DLG2: variants seen among roughly 807,000 people sequenced by gnomAD.
The protein encoded by DLG2 is disks large homolog 2.
Under a neutral mutation model 132.5 loss-of-function variants are expected in DLG2, and 45 were observed. The observed-to-expected ratio is 0.34, with a 90% CI of 0.27 to 0.44. The LOEUF is 0.44. Among genes scored for constraint, DLG2 ranks in the 20% least tolerant of loss-of-function variants. DLG2 has a pLI of 1.00. For synonymous variants in DLG2, 424 were observed against 419.6 expected (o/e 1.01, Z -0.13); for missense variants, 1,045 against 1,196.9 (o/e 0.87, Z 1.87).
intron 18 of DLG2, among the ~76,000 whole-genome samples, chr11:83,663,938 G>A (rs537840845): frequency 6.6e-6 from 1 of 152,302 alleles, no homozygotes; most frequent in South Asian, 2.1e-4. Context: ...TAAAAAGAGT[G>A]TCACATTTGG....
chr11:84,629,551 G>A (rs1018503797), intron 6 of DLG2, among the ~76,000 whole-genome samples: 7 of 152,186 alleles, frequency 4.6e-5, no homozygotes, highest in African/African-American at 1.7e-4. Context: ...TGCTCTTCAT[G>A]TGAAAACTTT....
chr11:85,609,956 C>T (rs1165671298), intron 2 of DLG2, among the ~76,000 whole-genome samples: 8 of 152,206 alleles, frequency 5.3e-5, no homozygotes, highest in Non-Finnish European at 1.0e-4. Flanking sequence ...GAAAGTCCCA[C>T]ACCCTTATTA....
At chr11:84,623,964 G>T (rs1341745397) in intron 6 of DLG2, among the ~76,000 whole-genome samples, 2 of 152,114 alleles carry the variant, frequency 1.3e-5, no homozygotes, top group Admixed American at 1.3e-4. Context: ...ATTTATTTTT[G>T]TATCTTCAAT....
intron 4 of DLG2, among the ~76,000 whole-genome samples, chr11:85,277,651 T>C (rs1242739728): frequency 6.6e-6 from 1 of 152,182 alleles, no homozygotes; most frequent in Non-Finnish European, 1.5e-5. Context: ...TCCTAGGTGA[T>C]TAATTTTGCA....
chr11:84,316,776 T>C, intron 7 of DLG2: 1 of 1,526,808 alleles, frequency 6.5e-7, no homozygotes, highest in Non-Finnish European at 8.8e-7. Context: ...AACAACTTGC[T>C]CTCACTTTCT....
intron 3 of DLG2, among the ~76,000 whole-genome samples, chr11:85,500,527 A>T (rs192593719): frequency 0.017 from 1,950 of 114,192 alleles, no homozygotes; most frequent in East Asian, 0.029. Context: ...TGTACCCTAA[A>T]ACTTAGAGTA....
intron 16 of DLG2, among the ~76,000 whole-genome samples, chr11:83,850,108 G>A (rs1055690816): frequency 7.4e-5 from 11 of 147,848 alleles, no homozygotes; most frequent in Admixed American, 4.7e-4. Flanking sequence ...TCATTCATCC[G>A]TAACATTTGG....
chr11:83,723,945 A>G lies in DLG2; in HGVS notation c.1825+62745T>C, dbSNP rs75214773. ...ACTACCATTATCATTTTACAGGTTT[A>G]TGTTATTCAGCTAACCATGAGAGAG... On this transcript the variant is annotated intron_variant, in intron 18 of 27. Transcript: ENST00000376104. 8.8e-3 allele frequency among the ~76,000 whole-genome samples: 1,339 copies of G among 152,358 alleles called. 21 individuals carry two copies. The highest frequency in any genetic ancestry group is 0.031 in the African/African-American group (1,291 of 41,582).
chr11:83,860,620 A>T (rs542898570), intron 16 of DLG2, among the ~76,000 whole-genome samples: 7 of 152,258 alleles, frequency 4.6e-5, no homozygotes, highest in Admixed American at 2.6e-4. Context: ...ATCTCAGATG[A>T]GACTTGGGAC....
At chr11:84,726,501 T>C (rs181024515) in intron 6 of DLG2, among the ~76,000 whole-genome samples, 11 of 152,340 alleles carry the variant, frequency 7.2e-5, no homozygotes, top group African/African-American at 2.2e-4. Context: ...ACTTTCTTTA[T>C]CTGGTCTATT....
At chr11:83,597,104 G>T (rs995126740) in intron 19 of DLG2, among the ~76,000 whole-genome samples, 7 of 152,040 alleles carry the variant, frequency 4.6e-5, no homozygotes, top group African/African-American at 1.4e-4. Flanking sequence ...CATTGCCAAG[G>T]CTCAACAGTT....
In DLG2 at chr11:84,919,126, T is replaced by A. The variant is rs553728078; in HGVS notation, c.357+192535A>T. Among the ~76,000 whole-genome samples, 21 of 152,264 alleles carry A rather than the reference T, an allele frequency of 1.4e-4. No individual in the cohort carries two copies. The South Asian group carries it at 4.1e-3, about 30-fold the overall frequency. On this transcript the variant is annotated intron_variant, in intron 6 of 27. Transcript: ENST00000376104. ...AGCCCAATTTCTAATGTGATTCTTA[T>A]TGAAGGCAACTCTGAAGCCTTACTG... is the stretch of plus-strand genomic sequence containing the variant.
At chr11:83,709,771 C>A (rs1036430645) in intron 18 of DLG2, among the ~76,000 whole-genome samples, 3 of 152,158 alleles carry the variant, frequency 2.0e-5, no homozygotes, top group Non-Finnish European at 2.9e-5. Context: ...GTGATCCCCC[C>A]CAAGTCATTT....
chr11:83,930,273 C>A, intron 15 of DLG2, 55 bp downstream of exon 15: 1 of 1,595,808 alleles, frequency 6.3e-7, no homozygotes, highest in Non-Finnish European at 8.6e-7. Context: ...ACCCATTTAT[C>A]CTTGTGGAAG....
At chr11:85,517,048 C>A (rs1254107239) in intron 3 of DLG2, among the ~76,000 whole-genome samples, 1 of 151,932 alleles carries the variant, frequency 6.6e-6, no homozygotes, top group Non-Finnish European at 1.5e-5. Flanking sequence ...AAAACCAAAT[C>A]CAACAGCACA....
At chr11:85,126,423 A>C (rs2152389270) in intron 5 of DLG2, among the ~76,000 whole-genome samples, 1 of 152,330 alleles carries the variant, frequency 6.6e-6, no homozygotes, top group East Asian at 1.9e-4. Context: ...ACTTAATAAA[A>C]GAAAGTTAAG....
At chr11:84,316,689 G>A in intron 7 of DLG2, 3 of 962,788 alleles carry the variant, frequency 3.1e-6, no homozygotes, top group Non-Finnish European at 3.0e-6. Context: ...GAAAATGACA[G>A]GTTTTTCTTG....
intron 25 of DLG2, among the ~76,000 whole-genome samples, chr11:83,467,873 C>A (rs1315641343): frequency 7.6e-6 from 1 of 130,988 alleles, no homozygotes; most frequent in Non-Finnish European, 1.6e-5. Context: ...AAATTAAATG[C>A]GGGTTAAATG....
chr11:85,460,865 T>G (rs918821505), intron 3 of DLG2, among the ~76,000 whole-genome samples: 1 of 152,230 alleles, frequency 6.6e-6, no homozygotes, highest in Non-Finnish European at 1.5e-5. Context: ...GTGAGGTTTA[T>G]GTTTGTCGAT....
Sources: gnomAD v4.1 joint callset for allele counts (sites outside exome capture counted in the v4.1 genomes callset) on GRCh38, gnomAD v4.1.1 for gene constraint, MANE v1.5 for transcripts, NCBI Gene and HGNC (gene_info 2026-07-23, HGNC 2026-07-21) for gene names.